PEAK1: variants seen among roughly 807,000 people sequenced by gnomAD.
The protein encoded by PEAK1 is pseudopodium enriched atypical kinase 1, also known as inactive tyrosine-protein kinase PEAK1.
PEAK1 carries 54 observed loss-of-function variants against 124.7 expected under a neutral mutation model. That is an observed-to-expected ratio of 0.43 (90% confidence interval 0.35 to 0.54). The LOEUF (loss-of-function observed/expected upper bound fraction) is 0.54. Among genes scored for constraint, PEAK1 ranks in the 20% least tolerant of loss-of-function variants. The pLI, the probability that PEAK1 is intolerant of heterozygous loss-of-function variation, is 0.01. For missense variants in PEAK1, 2,046 were observed against 2,134.5 expected (o/e 0.96, Z 0.82); for synonymous variants, 719 against 760.0 (o/e 0.95, Z 0.89).
intron 2 of PEAK1, among the ~76,000 whole-genome samples, chr15:77,286,944 T>C (rs536760386): frequency 6.6e-6 from 1 of 152,292 alleles, no homozygotes; most frequent in Admixed American, 6.5e-5. Flanking sequence ...CAAAAGAAGC[T>C]ATAAATTGCA....
At chr15:77,342,518 G>A (rs1247348318) in intron 2 of PEAK1, among the ~76,000 whole-genome samples, 1 of 149,834 alleles carries the variant, frequency 6.7e-6, no homozygotes, top group Admixed American at 6.7e-5. Context: ...TGATTCTCCT[G>A]CCTCAGCCTC....
chr15:77,172,424 C>T (rs540601998), intron 7 of PEAK1, among the ~76,000 whole-genome samples: 39 of 152,136 alleles, frequency 2.6e-4, no homozygotes, highest in Non-Finnish European at 3.7e-4. Flanking sequence ...CTTATTTCTG[C>T]TTAAAAATTT....
At chr15:77,158,324 T>C (rs2055335842) in intron 8 of PEAK1, 179 bp downstream of exon 8, 1 of 611,138 alleles carries the variant, frequency 1.6e-6, no homozygotes, top group African/African-American at 1.8e-5. Flanking sequence ...GTGCAGGTGT[T>C]TAATACATGC....
chr15:77,152,162 A>C (rs1462369671), intron 8 of PEAK1, among the ~76,000 whole-genome samples: 1 of 151,916 alleles, frequency 6.6e-6, no homozygotes, highest in East Asian at 1.9e-4. Flanking sequence ...CTTTTATTTC[A>C]TTGAGCAGTG....
intron 8 of PEAK1, chr15:77,155,648 A>G (rs555707998): frequency 1.3e-5 from 2 of 152,306 alleles, no homozygotes; most frequent in Non-Finnish European, 2.9e-5. Flanking sequence ...ATGGTGACGT[A>G]TAGATGAGTT....
chr15:77,107,835 G>T (rs973309886), downstream of PEAK1: 2 of 152,268 alleles, frequency 1.3e-5, no homozygotes, highest in Non-Finnish European at 2.9e-5. Context: ...ACAAACCCAG[G>T]AAGCCTGCAG....
chr15:77,383,363 C>T (rs1052996086), intron 1 of PEAK1, among the ~76,000 whole-genome samples: 3 of 152,138 alleles, frequency 2.0e-5, no homozygotes, highest in Admixed American at 6.5e-5. Flanking sequence ...AGAATATCCA[C>T]ACTGCAATAG....
rs761989592 is a variant in PEAK1, at chr15:77,180,271, A to C, written c.1656T>G (p.Thr552=). The C allele has an allele frequency of 8.1e-6, 13 of 1,614,040 alleles. No homozygotes were observed. The highest frequency in any genetic ancestry group is 1.6e-4 in the Middle Eastern group (1 of 6,084). ...GAGGAACATTTGGTCCAGTTCCACT[A>C]GTAATTAGTTCTACTTTAGGTATCT... The part of the protein sequence containing the change: ...RQKIPKVELI[T]SGTGPNVPPR... The change falls in exon 7 of 10, where the codon ACT becomes ACG. Residue 552 remains threonine (T), a synonymous_variant. Coordinates refer to ENST00000682557, the MANE Select transcript of PEAK1 (RefSeq NM_001385026.1).
chr15:77,234,666 A>T (rs527681544), intron 6 of PEAK1, among the ~76,000 whole-genome samples: 16 of 150,602 alleles, frequency 1.1e-4, no homozygotes, highest in South Asian at 6.3e-4. Flanking sequence ...ATTACAGAAA[A>T]TTTTTTTTTT....
rs114102157 is a variant in PEAK1 at position 77,335,123 on chromosome 15, A to G, written c.-603+30040T>C. 343 of 985,468 alleles carry G rather than the reference A, an allele frequency of 3.5e-4. 4 individuals are homozygous for G. In the African/African-American group the frequency reaches 5.8e-3, roughly 17 times the overall value. 61.0% of individuals were successfully genotyped at this position (985,468 alleles called of 1,614,324 possible). On this transcript the variant is annotated intron_variant, in intron 2 of 9. Transcript: ENST00000682557. ...ACAGTGTTCACAAATGCTTCTGGTC[A>G]AAGAGCCAAGAGAGGGATTTAAACA...
chr15:77,253,242 C>CATGG (rs1555457239), intron 5 of PEAK1, among the ~76,000 whole-genome samples: 15 of 62,706 alleles, frequency 2.4e-4, no homozygotes, highest in African/African-American at 5.5e-4. Flanking sequence ...TTTTGGTATG[C>CATGG]GTTGGGGGGG....
chr15:77,240,022 A>C (rs979321478), intron 6 of PEAK1: 1 of 190,342 alleles, frequency 5.3e-6, no homozygotes, highest in Non-Finnish European at 9.7e-6. Context: ...GAAATTAAAG[A>C]AACTTTAGTG....
downstream of PEAK1, chr15:77,105,317 GGTGTGTGTGT>G (rs67540842): frequency 0.088 from 12,790 of 145,044 alleles, 594 homozygotes; most frequent in Admixed American, 0.11. Context: ...GCCATTAGTT[GGTGTGTGTGT>G]GTGTGTGTGT....
Position 77,274,993 on chromosome 15 carries a change from GA to G in PEAK1, c.-275+8889del, listed in dbSNP as rs563562700. 1.1e-4 allele frequency among the ~76,000 whole-genome samples: 16 copies of G among 152,266 alleles called. No individual in the cohort carries two copies. The South Asian group carries it at 3.1e-3, about 30-fold the overall frequency. On this transcript the variant is annotated intron_variant, in intron 5 of 9. Transcript: ENST00000682557. ...TGGAATACTACTCAGCAATAAAAAGGAATAAAATAATGGCATTTGCAGCAAC... is the reference window on the plus strand; with the variant it reads ...TGGAATACTACTCAGCAATAAAAAGGATAAAATAATGGCATTTGCAGCAAC...
chr15:77,384,767 A>T (rs2069785342), intron 1 of PEAK1, among the ~76,000 whole-genome samples: 1 of 152,186 alleles, frequency 6.6e-6, no homozygotes, highest in Non-Finnish European at 1.5e-5. Flanking sequence ...TCCATTTAGG[A>T]TTCTCAGACT....
At chr15:77,414,644 C>A (rs1007255245) in intron 1 of PEAK1, among the ~76,000 whole-genome samples, 3 of 152,096 alleles carry the variant, frequency 2.0e-5, no homozygotes, top group Non-Finnish European at 2.9e-5. Flanking sequence ...CCTTTCTAAT[C>A]CTCAGTTTCT....
At chr15:77,134,813 C>T (rs971645417) in intron 8 of PEAK1, among the ~76,000 whole-genome samples, 1 of 152,132 alleles carries the variant, frequency 6.6e-6, no homozygotes, top group Admixed American at 6.6e-5. Context: ...GAAGTGCTAA[C>T]CCCTGGTACC....
chr15:77,286,588 C>T, intron 2 of PEAK1, 84 bp from the exon 3 acceptor site: 1 of 606,964 alleles, frequency 1.6e-6, no homozygotes, highest in Non-Finnish European at 2.4e-6. Context: ...TTTAATTCAC[C>T]ATAAAGCAGA....
intron 5 of PEAK1, chr15:77,278,352 A>G: frequency 4.3e-6 from 1 of 234,684 alleles, no homozygotes; most frequent in Non-Finnish European, 8.5e-6. Flanking sequence ...GATTCAAAAG[A>G]GTACATAATA....
Sources: gnomAD v4.1 joint callset for allele counts (sites outside exome capture counted in the v4.1 genomes callset) on GRCh38, gnomAD v4.1.1 for gene constraint, MANE v1.5 for transcripts, NCBI Gene and HGNC (gene_info 2026-07-23, HGNC 2026-07-21) for gene names.